Variants in USP46 observed in about 807,000 individuals in gnomAD.
The protein encoded by USP46 is ubiquitin carboxyl-terminal hydrolase 46.
Under a neutral mutation model 44.4 loss-of-function variants are expected in USP46, and 12 were observed. The ratio of observed to expected loss-of-function variants is 0.27; its 90% CI spans 0.17 to 0.44. The LOEUF (loss-of-function observed/expected upper bound fraction) is 0.44. Ranked by LOEUF, USP46 falls within the 20% of genes least tolerant of loss-of-function variation. The pLI, the probability that USP46 is intolerant of heterozygous loss-of-function variation, is 1.00. For missense variants in USP46, 248 were observed against 444.8 expected (o/e 0.56, Z 3.98); for synonymous variants, 155 against 161.5 (o/e 0.96, Z 0.31).
chr4:52,610,012 G>A (rs574827485), intron 5 of USP46, among the ~76,000 whole-genome samples: 14 of 122,054 alleles, frequency 1.1e-4, no homozygotes, highest in Admixed American at 3.1e-4. Flanking sequence ...TGCAAGCTCC[G>A]CCTCCCGGGT....
At chr4:52,602,104 G>GA (rs1409080766) in intron 6 of USP46, 50 bp from the exon 7 acceptor site, 2 of 1,562,638 alleles carry the variant, frequency 1.3e-6, no homozygotes, top group East Asian at 4.5e-5. Context: ...CCTATTAGGG[G>GA]AAGAGAATAC....
chr4:52,607,430 A>G (rs1716730128), intron 5 of USP46, among the ~76,000 whole-genome samples: 1 of 152,248 alleles, frequency 6.6e-6, no homozygotes, highest in Admixed American at 6.5e-5. Flanking sequence ...GCTCTTTCCA[A>G]CACTTGGGAT....
chr4:52,639,673 CA>C (rs1718255245), intron 1 of USP46, among the ~76,000 whole-genome samples: 1 of 152,166 alleles, frequency 6.6e-6, no homozygotes, highest in Admixed American at 6.6e-5. Flanking sequence ...CAGCCACGAC[CA>C]GGTAAAATGT....
In USP46 at chr4:52,648,076, A is replaced by G. The variant is rs1046843086; in HGVS notation, c.36+11039T>C. ...TAAGTTCTCTCATCACCCACAGGCT[A>G]TGGATAAGAAGCATGTCTTTACAAG... On this transcript the variant is annotated intron_variant, in intron 1 of 8. Coordinates refer to ENST00000441222, the MANE Select transcript of USP46 (RefSeq NM_022832.4). 3.3e-5 allele frequency among the ~76,000 whole-genome samples: 5 copies of G among 152,360 alleles called. No homozygotes were observed. In the South Asian group the frequency reaches 8.3e-4, roughly 25 times the overall value.
rs142832504 is a variant in USP46, at chr4:52,657,538, G to T, written c.36+1577C>A. Among the ~76,000 whole-genome samples, 1,130 of 152,302 alleles carry T rather than the reference G, an allele frequency of 7.4e-3. 19 individuals are homozygous for T. Among genetic ancestry groups the T allele is most frequent in the African/African-American group, 0.026 (1,074 of 41,546 alleles). ...ACTACCCTGTAGTATCCTTAGGCCT[G>T]CGGCCACACCAACAGACATAAAAGA... On this transcript the variant is annotated intron_variant, in intron 1 of 8. Coordinates refer to ENST00000441222, the MANE Select transcript of USP46 (RefSeq NM_022832.4).
chr4:52,626,422 AAGCAATTCTCCTGCCTC>A (rs1206089001), intron 3 of USP46, among the ~76,000 whole-genome samples, 175 bp from the exon 4 acceptor site: 1 of 152,102 alleles, frequency 6.6e-6, no homozygotes, highest in Admixed American at 6.5e-5. Flanking sequence ...TCCCAGGTTC[AAGCAATTCTCCTGCCTC>A]AGCCTCTTGA....
At chr4:52,606,726 A>G (rs1284997410) in intron 5 of USP46, among the ~76,000 whole-genome samples, 2 of 152,190 alleles carry the variant, frequency 1.3e-5, no homozygotes, top group African/African-American at 2.4e-5. Context: ...AACCCTAACC[A>G]ACAGTCTCAA....
chr4:52,658,420 G>T (rs1328132738), intron 1 of USP46: 1 of 368,122 alleles, frequency 2.7e-6, no homozygotes, highest in Non-Finnish European at 5.5e-6. Flanking sequence ...CAGCGGATCA[G>T]GCAGGATAAC....
chr4:52,625,589 T>C (rs1720175078), intron 4 of USP46, among the ~76,000 whole-genome samples: 1 of 152,194 alleles, frequency 6.6e-6, no homozygotes, highest in African/African-American at 2.4e-5. Context: ...AGTTAACTGC[T>C]GTAAAAACAG....
rs956786152 is a variant in USP46, at chr4:52,593,865, C to T, written c.*3775G>A. The stretch of plus-strand genomic sequence containing the variant: ...TCACTGTGATGCCTAGTTAACTATC[C>T]CTAAATTCTTTTCACTGATATTCTC... On this transcript the variant is annotated 3_prime_UTR_variant, in exon 9 of 9. Transcript: ENST00000441222. 9 of 152,310 alleles carry T rather than the reference C, an allele frequency of 5.9e-5. No homozygotes were observed. Among genetic ancestry groups the T allele is most frequent in the African/African-American group, 2.2e-4 (9 of 41,576 alleles). 9.4% of individuals were successfully genotyped at this position (152,310 alleles called of 1,614,324 possible). A position where few individuals can be genotyped will look rare whatever the true frequency, so the allele number is the denominator to read the frequency against.
At chr4:52,652,754 G>C (rs141580414) in intron 1 of USP46, among the ~76,000 whole-genome samples, 1 of 152,196 alleles carries the variant, frequency 6.6e-6, no homozygotes, top group African/African-American at 2.4e-5. Flanking sequence ...ATGCAGAATA[G>C]TGGTCACTCT....
At chr4:52,632,061 A>C (rs546578350) in intron 1 of USP46, among the ~76,000 whole-genome samples, 2 of 151,950 alleles carry the variant, frequency 1.3e-5, no homozygotes, top group African/African-American at 4.8e-5. Context: ...AAGGGGAAGA[A>C]GGGGAAAGAG....
chr4:52,616,822 A>G (rs1717169482), intron 4 of USP46, among the ~76,000 whole-genome samples: 1 of 152,250 alleles, frequency 6.6e-6, no homozygotes, highest in Admixed American at 6.5e-5. Flanking sequence ...CTATTAGGAT[A>G]TATAAGAAAA....
At chr4:52,632,160 A>G (rs1250246969) in intron 1 of USP46, among the ~76,000 whole-genome samples, 1 of 152,208 alleles carries the variant, frequency 6.6e-6, no homozygotes, top group East Asian at 1.9e-4. Context: ...CCCAAGGTCC[A>G]TTGTAAGTGG....
chr4:52,609,898 C>CT lies in USP46; in HGVS notation c.638+642dup, dbSNP rs66817554. 4.5e-3 allele frequency among the ~76,000 whole-genome samples: 111 copies of CT among 24,572 alleles called. 31 individuals are homozygous for CT. Among genetic ancestry groups the CT allele is most frequent in the Non-Finnish European group, 6.9e-3 (84 of 12,198 alleles). The allele number at this position is 24,572 out of a possible 152,430, so 16.1% of individuals were successfully genotyped here. A position where few individuals can be genotyped will look rare whatever the true frequency, so the allele number is the denominator to read the frequency against. ...GGAAACCTAAACCTCAATTCTATTT[C>CT]TTTTTTTTTTTTTTTTTTTTTTTTT... On this transcript the variant is annotated intron_variant, in intron 5 of 8. Coordinates refer to ENST00000441222, the MANE Select transcript of USP46 (RefSeq NM_022832.4).
At chr4:52,598,780 T>C in intron 7 of USP46, 74 bp from the exon 8 acceptor site, 1 of 1,388,048 alleles carries the variant, frequency 7.2e-7, no homozygotes, top group Non-Finnish European at 9.9e-7. Flanking sequence ...TAGCTCTTTA[T>C]AAGCAGTGAT....
intron 1 of USP46, among the ~76,000 whole-genome samples, chr4:52,647,002 A>G (rs1258042373): frequency 6.6e-6 from 1 of 152,132 alleles, no homozygotes; most frequent in Admixed American, 6.5e-5. Flanking sequence ...CCACAGATAT[A>G]CTCCCACATA....
At chr4:52,639,489 C>A (rs1718246734) in intron 1 of USP46, among the ~76,000 whole-genome samples, 1 of 152,042 alleles carries the variant, frequency 6.6e-6, no homozygotes, top group African/African-American at 2.4e-5. Context: ...CCACCAAATG[C>A]CTTCTGCCAG....
intron 1 of USP46, among the ~76,000 whole-genome samples, chr4:52,648,540 G>C (rs1718637287): frequency 6.6e-6 from 1 of 152,152 alleles, no homozygotes; most frequent in Non-Finnish European, 1.5e-5. Flanking sequence ...CATGAACAAT[G>C]ATGACAAACT....
Sources: gnomAD v4.1 joint callset for allele counts (sites outside exome capture counted in the v4.1 genomes callset) on GRCh38, gnomAD v4.1.1 for gene constraint, MANE v1.5 for transcripts, NCBI Gene and HGNC (gene_info 2026-07-23, HGNC 2026-07-21) for gene names.